PXDNL: variants seen among roughly 807,000 people sequenced by gnomAD.
PXDNL encodes peroxidasin like, also known as probable oxidoreductase PXDNL.
PXDNL carries 145 observed loss-of-function variants against 150.8 expected under a neutral mutation model. That is an observed-to-expected ratio of 0.96 (90% CI 0.84 to 1.10). The LOEUF is 1.10. Ranked by LOEUF, PXDNL falls within the 50% of genes least tolerant of loss-of-function variation. PXDNL has a pLI of 0.00. For synonymous variants in PXDNL, 757 were observed against 725.7 expected (o/e 1.04, Z -0.69); for missense variants, 2,087 against 1,873.9 (o/e 1.11, Z -2.10).
intron 1 of PXDNL, among the ~76,000 whole-genome samples, chr8:51,790,091 G>A (rs1212783526): frequency 6.6e-6 from 1 of 151,996 alleles, no homozygotes; most frequent in East Asian, 1.9e-4. Context: ...AATTAAATGT[G>A]ATGTTTTAAA....
At chr8:51,680,504 A>G (rs1225395875) in intron 1 of PXDNL, among the ~76,000 whole-genome samples, 1 of 152,230 alleles carries the variant, frequency 6.6e-6, no homozygotes, top group African/African-American at 2.4e-5. Flanking sequence ...GTGTTTAAAA[A>G]AACTGATTAC....
chr8:51,701,207 C>A (rs148404912), intron 1 of PXDNL, among the ~76,000 whole-genome samples: 1,593 of 152,156 alleles, frequency 0.01, 24 homozygotes, highest in African/African-American at 0.032. Context: ...CAGTTGCTAG[C>A]ATTTACCATT....
chr8:51,358,705 G>T (rs961993612), intron 19 of PXDNL, among the ~76,000 whole-genome samples: 9 of 152,142 alleles, frequency 5.9e-5, no homozygotes, highest in Admixed American at 5.9e-4. Flanking sequence ...AGGGATTTGG[G>T]AGCACGGTGC....
intron 5 of PXDNL, among the ~76,000 whole-genome samples, chr8:51,486,771 TATATATATATATATATA>T (rs1563433404): frequency 1.2e-3 from 11 of 8,812 alleles, no homozygotes; most frequent in African/African-American, 2.4e-3. Flanking sequence ...TATATATATA[TATATATATATATATATA>T]TATATATTTT....
chr8:51,545,817 G>A lies in PXDNL; in HGVS notation c.380+11023C>T, dbSNP rs116347803. The stretch of plus-strand genomic sequence containing the variant: ...GTCCAACCTCTTAATATTTCTACAA[G>A]GCAATTAAATTTCAATCTGATATTC... On this transcript the variant is annotated intron_variant, in intron 4 of 22. Coordinates refer to ENST00000356297, the MANE Select transcript of PXDNL (RefSeq NM_144651.5). 4.0e-3 allele frequency among the ~76,000 whole-genome samples: 606 copies of A among 152,236 alleles called. 8 individuals carry two copies. The highest frequency in any genetic ancestry group is 0.014 in the African/African-American group (588 of 41,544).
rs956127802 is a variant in PXDNL, at chr8:51,319,651, A to G, written c.*240T>C. The G allele has an allele frequency of 1.9e-5, 5 of 270,036 alleles. No homozygotes were observed. Among genetic ancestry groups the G allele is most frequent in the African/African-American group, 6.6e-5 (3 of 45,330 alleles). 16.7% of individuals were successfully genotyped at this position (270,036 alleles called of 1,614,324 possible). A position where few individuals can be genotyped will look rare whatever the true frequency, so the allele number is the denominator to read the frequency against. On this transcript the variant is annotated 3_prime_UTR_variant, in exon 23 of 23. Transcript: ENST00000356297. ...TAAAACTGACAGCTTACAGTAAGAAATATTTCTTATGATCAAACACTTCAT... is the reference window on the plus strand; with the variant it reads ...TAAAACTGACAGCTTACAGTAAGAAGTATTTCTTATGATCAAACACTTCAT...
intron 11 of PXDNL, among the ~76,000 whole-genome samples, chr8:51,448,509 C>T (rs994604009): frequency 3.3e-5 from 5 of 152,106 alleles, no homozygotes; most frequent in African/African-American, 1.2e-4. Flanking sequence ...TTGAGACCAT[C>T]CTGGCTAACA....
At chr8:51,370,335 T>C (rs920231262) in intron 19 of PXDNL, among the ~76,000 whole-genome samples, 4 of 152,166 alleles carry the variant, frequency 2.6e-5, no homozygotes, top group African/African-American at 9.7e-5. Context: ...CACCCTGCCA[T>C]GCCATCTATC....
At chr8:51,444,299 A>G (rs1288167104) in intron 12 of PXDNL, among the ~76,000 whole-genome samples, 1 of 152,172 alleles carries the variant, frequency 6.6e-6, no homozygotes, top group African/African-American at 2.4e-5. Flanking sequence ...GAGGCAAATT[A>G]CTGATACTAT....
chr8:51,549,720 T>G (rs1812441158), intron 4 of PXDNL, among the ~76,000 whole-genome samples: 1 of 144,376 alleles, frequency 6.9e-6, no homozygotes, highest in African/African-American at 2.7e-5. Context: ...AATGCATAAA[T>G]CAAAAAATCT....
At chr8:51,386,645 C>T (rs4460364) in intron 17 of PXDNL, among the ~76,000 whole-genome samples, 2,021 of 151,762 alleles carry the variant, frequency 0.013, 44 homozygotes, top group African/African-American at 0.045. Flanking sequence ...ATGGAAACGT[C>T]GTCTCTACTA....
At chr8:51,668,318 G>A (rs1393709770) in intron 1 of PXDNL, among the ~76,000 whole-genome samples, 1 of 151,592 alleles carries the variant, frequency 6.6e-6, no homozygotes, top group Non-Finnish European at 1.5e-5. Context: ...GGAACTACAG[G>A]CGAGCACCAC....
intron 1 of PXDNL, among the ~76,000 whole-genome samples, chr8:51,759,212 G>A (rs1349070416): frequency 1.3e-5 from 2 of 152,098 alleles, no homozygotes; most frequent in Admixed American, 1.3e-4. Flanking sequence ...CTAAGCTCTA[G>A]CCAACCTCAC....
At chr8:51,459,752 G>T (rs1401793711) in intron 8 of PXDNL, among the ~76,000 whole-genome samples, 2 of 152,166 alleles carry the variant, frequency 1.3e-5, no homozygotes, top group Non-Finnish European at 2.9e-5. Flanking sequence ...ACAAAGGTTT[G>T]CAGAGGTAGA....
At chr8:51,528,628 A>G (rs1395351981) in intron 4 of PXDNL, among the ~76,000 whole-genome samples, 1 of 152,218 alleles carries the variant, frequency 6.6e-6, no homozygotes, top group Non-Finnish European at 1.5e-5. Context: ...GGGTAGGTCC[A>G]ATCTAATCAC....
intron 13 of PXDNL, 62 bp from the exon 14 acceptor site, chr8:51,423,793 C>G: frequency 2.0e-6 from 3 of 1,482,576 alleles, no homozygotes; most frequent in Middle Eastern, 3.6e-4. Context: ...CATTTATTTA[C>G]TTTTTAAAAT....
At chr8:51,689,151 A>G (rs998648341) in intron 1 of PXDNL, among the ~76,000 whole-genome samples, 2 of 152,226 alleles carry the variant, frequency 1.3e-5, no homozygotes, top group African/African-American at 4.8e-5. Flanking sequence ...GAGCCCAGCC[A>G]CAGGTCAAGG....
Position 51,483,734 on chromosome 8 carries a change from C to T in PXDNL, c.453-20G>A. ...AAAAATCTGAAAAAGAAAAGATAAA[C>T]TTTAATCACCATACAATAATAATGA... On this transcript the variant is annotated intron_variant, in intron 5 of 22. Transcript: ENST00000356297. 1 of 1,280,330 alleles carries T rather than the reference C, an allele frequency of 7.8e-7. No homozygotes were observed. The highest frequency in any genetic ancestry group is 2.5e-5 in the East Asian group (1 of 39,594). 79.3% of individuals were successfully genotyped at this position (1,280,330 alleles called of 1,614,324 possible). A position where few individuals can be genotyped will look rare whatever the true frequency, so the allele number is the denominator to read the frequency against.
At chr8:51,418,015 C>T (rs533520607) in intron 14 of PXDNL, among the ~76,000 whole-genome samples, 2 of 151,958 alleles carry the variant, frequency 1.3e-5, no homozygotes, top group Non-Finnish European at 2.9e-5. Flanking sequence ...ACTACAACAC[C>T]AAAAATCTGG....
Sources: allele counts gnomAD v4.1 joint callset (sites outside exome capture counted in the v4.1 genomes callset), GRCh38; gene constraint gnomAD v4.1.1; transcripts MANE v1.5; gene names NCBI Gene and HGNC (gene_info 2026-07-23, HGNC 2026-07-21).